Variants in ASTN2 observed in about 807,000 individuals in gnomAD.
ASTN2 encodes astrotactin-2.
A neutral mutation model predicts 139.8 loss-of-function variants in ASTN2; 54 were observed. The observed-to-expected ratio is 0.39, with a 90% confidence interval of 0.31 to 0.48. ASTN2 has a LOEUF of 0.48. Ranked by LOEUF, ASTN2 falls within the 20% of genes least tolerant of loss-of-function variation. ASTN2 has a pLI of 0.95. For missense variants in ASTN2, 1,565 were observed against 1,725.1 expected (o/e 0.91, Z 1.64); for synonymous variants, 756 against 719.5 (o/e 1.05, Z -0.81).
chr9:117,173,949 C>T (rs1830854325), intron 3 of ASTN2, among the ~76,000 whole-genome samples: 1 of 147,614 alleles, frequency 6.8e-6, no homozygotes, highest in Non-Finnish European at 1.5e-5. Flanking sequence ...CTCCTTTACT[C>T]TTACTAAAAA....
At chr9:116,863,227 CA>C (rs1832937211) in intron 11 of ASTN2, among the ~76,000 whole-genome samples, 1 of 152,212 alleles carries the variant, frequency 6.6e-6, no homozygotes, top group African/African-American at 2.4e-5. Flanking sequence ...ATACTAGTTA[CA>C]CCTCATTGAC....
chr9:117,285,034 G>C (rs1434232596), intron 2 of ASTN2, among the ~76,000 whole-genome samples: 1 of 152,180 alleles, frequency 6.6e-6, no homozygotes, highest in East Asian at 1.9e-4. Flanking sequence ...CACTGTAAAA[G>C]TGCTTGTTAG....
chr9:116,449,965 CA>C (rs1848125480), intron 20 of ASTN2, among the ~76,000 whole-genome samples: 1 of 152,292 alleles, frequency 6.6e-6, no homozygotes, highest in Admixed American at 6.5e-5. Context: ...CTTCGTGGAG[CA>C]AAGACAGCCC....
chr9:116,870,566 C>G (rs1446711889), intron 10 of ASTN2, among the ~76,000 whole-genome samples: 2 of 152,294 alleles, frequency 1.3e-5, no homozygotes, highest in Admixed American at 6.5e-5. Flanking sequence ...AAACATCTCT[C>G]TATCTCTGAC....
At chr9:117,269,959 T>G (rs765137183) in intron 2 of ASTN2, among the ~76,000 whole-genome samples, 1 of 152,172 alleles carries the variant, frequency 6.6e-6, no homozygotes, top group Non-Finnish European at 1.5e-5. Flanking sequence ...GCCCATTGGA[T>G]AGTATTTTTC....
chr9:116,565,388 C>CTCTCTCTCTCTCTCTCT (rs1564120372), intron 19 of ASTN2, among the ~76,000 whole-genome samples: 13 of 34,016 alleles, frequency 3.8e-4, no homozygotes, highest in South Asian at 1.4e-3. Flanking sequence ...TCTCTCTCTC[C>CTCTCTCTCTCTCTCTCT]ATATATATAT....
At chr9:117,336,468 G>C (rs772705088) in intron 1 of ASTN2, among the ~76,000 whole-genome samples, 16 of 152,124 alleles carry the variant, frequency 1.1e-4, no homozygotes, top group African/African-American at 1.7e-4. Flanking sequence ...TCCCTACAGG[G>C]ACAAAGAGGG....
rs193275664 is a variant in ASTN2, at chr9:116,911,678, G to A, written c.1890-47945C>T. 4.0e-3 allele frequency among the ~76,000 whole-genome samples: 603 copies of A among 152,286 alleles called. 6 individuals carry two copies. The highest frequency in any genetic ancestry group is 0.034 in the Middle Eastern group (10 of 294). On this transcript the variant is annotated intron_variant, in intron 10 of 22. Transcript: ENST00000313400. ...CCAGCACTTTGGGAGGCCGAGGCAGGCGGATCACGAGGTCAGGAGATCGAG... is the reference window on the plus strand; with the variant it reads ...CCAGCACTTTGGGAGGCCGAGGCAGACGGATCACGAGGTCAGGAGATCGAG...
At chr9:116,443,363 G>A (rs993040573) in intron 20 of ASTN2, among the ~76,000 whole-genome samples, 8 of 152,142 alleles carry the variant, frequency 5.3e-5, no homozygotes, top group African/African-American at 1.2e-4. Context: ...GTAGAAGGTC[G>A]GTGGGAACCT....
chr9:117,362,527 C>T (rs1273883887), intron 1 of ASTN2, among the ~76,000 whole-genome samples: 1 of 152,060 alleles, frequency 6.6e-6, no homozygotes, highest in Non-Finnish European at 1.5e-5. Flanking sequence ...CCTGTGGCCT[C>T]AACAGTGGGT....
At chr9:117,184,382 T>G (rs1831147501) in intron 3 of ASTN2, among the ~76,000 whole-genome samples, 1 of 152,116 alleles carries the variant, frequency 6.6e-6, no homozygotes, top group South Asian at 2.1e-4. Flanking sequence ...AGGCAGCACT[T>G]AACGCAATTA....
intron 16 of ASTN2, among the ~76,000 whole-genome samples, chr9:116,701,839 G>A (rs1458371384): frequency 6.7e-6 from 1 of 150,314 alleles, no homozygotes; most frequent in Non-Finnish European, 1.5e-5. Context: ...GCAGACTAGG[G>A]CCCCAAGAAA....
At chr9:117,005,080 ATTTTTTTTTTTT>A (rs35759848) in intron 7 of ASTN2, among the ~76,000 whole-genome samples, 1 of 74,666 alleles carries the variant, frequency 1.3e-5, no homozygotes, top group South Asian at 6.4e-4. Flanking sequence ...CCTGTAGTCG[ATTTTTTTTTTTT>A]TTTTTTTTTT....
chr9:116,475,043 T>C (rs1015890821), intron 20 of ASTN2, among the ~76,000 whole-genome samples: 1 of 152,196 alleles, frequency 6.6e-6, no homozygotes, highest in African/African-American at 2.4e-5. Flanking sequence ...CTCAGCTTCC[T>C]CATCTATACA....
At chr9:116,586,833 C>CACACACACACACACACACACACACACAT (rs1854171008) in intron 19 of ASTN2, among the ~76,000 whole-genome samples, 46 of 118,148 alleles carry the variant, frequency 3.9e-4, no homozygotes, top group African/African-American at 1.3e-3. Context: ...CACATACATA[C>CACACACACACACACACACACACACACAT]ACACACACAC....
At chr9:116,750,189 A>G (rs982329143) in intron 13 of ASTN2, among the ~76,000 whole-genome samples, 5 of 152,216 alleles carry the variant, frequency 3.3e-5, no homozygotes, top group African/African-American at 1.2e-4. Context: ...AAAACTCTTA[A>G]AGCAAAAGAT....
chr9:117,364,299 A>G (rs1477595497), intron 1 of ASTN2, among the ~76,000 whole-genome samples: 3 of 152,178 alleles, frequency 2.0e-5, no homozygotes, highest in Admixed American at 6.5e-5. Flanking sequence ...CATCAACCCA[A>G]TAAAGACCAA....
intron 5 of ASTN2, among the ~76,000 whole-genome samples, chr9:117,069,955 CTT>C (rs1168346173): frequency 1.5e-5 from 2 of 133,150 alleles, no homozygotes; most frequent in Non-Finnish European, 3.2e-5. Flanking sequence ...GGTCTTGACT[CTT>C]TATCCAATTT....
chr9:116,510,068 C>G (rs974878436), intron 19 of ASTN2, among the ~76,000 whole-genome samples: 1 of 152,108 alleles, frequency 6.6e-6, no homozygotes, highest in Non-Finnish European at 1.5e-5. Flanking sequence ...GTTTGAGACA[C>G]GAAGTCCTTG....
Sources: allele counts gnomAD v4.1 joint callset (sites outside exome capture counted in the v4.1 genomes callset), GRCh38; gene constraint gnomAD v4.1.1; transcripts MANE v1.5; gene names NCBI Gene and HGNC (gene_info 2026-07-23, HGNC 2026-07-21).